The following ACSM3 variants were observed in gnomAD, a reference collection of about 807,000 sequenced individuals.
ACSM3 encodes acyl-CoA synthetase medium chain family member 3, also known as acyl-coenzyme A synthetase ACSM3, mitochondrial.
A neutral mutation model predicts 74.1 loss-of-function variants in ACSM3; 61 were observed. That is an observed-to-expected ratio of 0.82 (90% CI 0.67 to 1.02). The LOEUF (loss-of-function observed/expected upper bound fraction) is 1.02, where lower values mean the gene tolerates loss of function less well. ACSM3 is among the 50% of genes least tolerant of loss of function. The pLI is 0.00. For synonymous variants in ACSM3, 213 were observed against 241.5 expected (o/e 0.88, Z 1.09); for missense variants, 660 against 697.0 (o/e 0.95, Z 0.60).
chr16:20,760,701 T>C (rs2080069864), upstream of ACSM3, among the ~76,000 whole-genome samples: 1 of 152,166 alleles, frequency 6.6e-6, no homozygotes, highest in Admixed American at 6.5e-5. Context: ...CTCTTTTAAC[T>C]TAAGTATAAC....
intron 1 of ACSM3, chr16:20,735,076 G>C (rs181516268): frequency 6.6e-6 from 1 of 152,342 alleles, no homozygotes; most frequent in East Asian, 1.9e-4. Context: ...AAGGTGGCAA[G>C]TCAGTTTCCT....
At chr16:20,702,004 C>T (rs1322563055) in intron 1 of ACSM3, among the ~76,000 whole-genome samples, 3 of 152,152 alleles carry the variant, frequency 2.0e-5, no homozygotes, top group Admixed American at 6.5e-5. Flanking sequence ...AATAAACATA[C>T]ATGTGCATGT....
intron 2 of ACSM3, among the ~76,000 whole-genome samples, chr16:20,771,585 A>G (rs963794531): frequency 9.9e-5 from 15 of 152,102 alleles, no homozygotes; most frequent in Middle Eastern, 3.2e-3. Context: ...TTTATGGCTG[A>G]ATAGTATTGC....
intron 1 of ACSM3, among the ~76,000 whole-genome samples, chr16:20,696,359 T>C (rs2079689780): frequency 1.3e-5 from 2 of 152,224 alleles, no homozygotes. Context: ...TCACAAAGCT[T>C]AGTTTGTCTA....
At chr16:20,730,814 G>A (rs2079825359) in intron 1 of ACSM3, among the ~76,000 whole-genome samples, 2 of 152,050 alleles carry the variant, frequency 1.3e-5, no homozygotes, top group South Asian at 2.1e-4. Context: ...GGCAAAAAAC[G>A]ACCTTATAGA....
At chr16:20,747,302 T>G (rs1187122663) in intron 1 of ACSM3, among the ~76,000 whole-genome samples, 3 of 152,206 alleles carry the variant, frequency 2.0e-5, no homozygotes, top group African/African-American at 7.2e-5. Flanking sequence ...TGCAAAGTTT[T>G]ATAAGTTCCT....
At chr16:20,717,898 AAGGAGG>A (rs1412584176) in intron 1 of ACSM3, among the ~76,000 whole-genome samples, 1 of 146,066 alleles carries the variant, frequency 6.8e-6, no homozygotes, top group Non-Finnish European at 1.5e-5. Flanking sequence ...GAAGAAGGAG[AAGGAGG>A]AAAAAAAGAA....
chr16:20,771,006 T>G (rs2080186182), intron 2 of ACSM3, among the ~76,000 whole-genome samples: 1 of 152,216 alleles, frequency 6.6e-6, no homozygotes, highest in Non-Finnish European at 1.5e-5. Flanking sequence ...GCTATAATTT[T>G]GCATCCATTA....
rs578142802 is a variant in ACSM3 at position 20,727,256 on chromosome 16, T to A, written c.-189-22654T>A. Reference sequence around the variant, plus strand: ...TAAGACTTGCCTCTCCTAGCTTCTATGCTTGCTGCTTGAATGTCCTAATTA... The same window carrying A: ...TAAGACTTGCCTCTCCTAGCTTCTAAGCTTGCTGCTTGAATGTCCTAATTA... On this transcript the variant is annotated intron_variant, in intron 1 of 3. Transcript: ENST00000561584. 1.4e-4 allele frequency: 67 copies of A among 473,788 alleles called. 1 individual carries two copies. Among genetic ancestry groups the A allele is most frequent in the African/African-American group, 1.3e-3 (66 of 49,626 alleles). The allele number at this position is 473,788 out of a possible 1,614,324, so 29.3% of individuals were successfully genotyped here.
rs139989501 is a variant in ACSM3, at chr16:20,697,285, G to T, written c.-190+22463G>T. Among the ~76,000 whole-genome samples the T allele has an allele frequency of 2.9e-3, 441 of 152,152 alleles. 3 individuals carry two copies. The highest frequency in any genetic ancestry group is 0.01 in the African/African-American group (419 of 41,508). On this transcript the variant is annotated intron_variant, in intron 1 of 3. Transcript: ENST00000561584. ...CTTTATAGAAAGTGAGCCAACTTCT[G>T]CATAGATAGAAAAGATTTCCTTCAA...
At chr16:20,704,135 T>C (rs2079720678) in intron 1 of ACSM3, among the ~76,000 whole-genome samples, 2 of 152,198 alleles carry the variant, frequency 1.3e-5, no homozygotes, top group Non-Finnish European at 2.9e-5. Context: ...GATATTTTTA[T>C]TTTCATTACA....
At chr16:20,715,075 C>A (rs928704493) in intron 1 of ACSM3, among the ~76,000 whole-genome samples, 10 of 152,040 alleles carry the variant, frequency 6.6e-5, no homozygotes, top group Admixed American at 6.5e-4. Context: ...TGCCTCCTAC[C>A]AAAAGATTTC....
upstream of ACSM3, among the ~76,000 whole-genome samples, chr16:20,761,912 A>G (rs984006633): frequency 6.6e-6 from 1 of 152,222 alleles, no homozygotes; most frequent in Admixed American, 6.5e-5. Flanking sequence ...CAGTAAAGAC[A>G]TTGCACATGT....
chr16:20,683,785 G>A (rs1182715964), intron 1 of ACSM3, among the ~76,000 whole-genome samples: 3 of 150,178 alleles, frequency 2.0e-5, no homozygotes, highest in Non-Finnish European at 4.4e-5. Context: ...GGCCAGGATG[G>A]TCTCGATCTC....
At chr16:20,741,479 CGG>C in intron 1 of ACSM3, 2 of 1,329,524 alleles carry the variant, frequency 1.5e-6, no homozygotes, top group South Asian at 3.3e-5. Context: ...GCCTGGCAGC[CGG>C]CCCGCCCGCC....
chr16:20,780,704 T>C lies in ACSM3; in HGVS notation c.639-10T>C. On this transcript the variant is annotated splice_polypyrimidine_tract_variant and intron_variant, in intron 4 of 13. Transcript: ENST00000289416. ...TTTAACATGCAGTCATTGTAGTTTT[T>C]CCTTTGCAGACATGCCAGTGACAGC... The C allele has an allele frequency of 6.2e-7, 1 of 1,614,192 alleles. No homozygotes were observed. Among genetic ancestry groups the C allele is most frequent in the East Asian group, 2.2e-5 (1 of 44,884 alleles).
intron 9 of ACSM3, among the ~76,000 whole-genome samples, chr16:20,787,541 G>A (rs2080500601): frequency 6.6e-6 from 1 of 152,182 alleles, no homozygotes. Context: ...ATTTGGAGTG[G>A]AACTCTGAAA....
chr16:20,747,070 A>T (rs1459856148), intron 1 of ACSM3, among the ~76,000 whole-genome samples: 1 of 148,914 alleles, frequency 6.7e-6, no homozygotes, highest in African/African-American at 2.5e-5. Flanking sequence ...TTGAAGCAGG[A>T]GATATAAAAA....
intron 1 of ACSM3, among the ~76,000 whole-genome samples, chr16:20,740,069 T>G (rs2079903903): frequency 6.6e-6 from 1 of 152,158 alleles, no homozygotes; most frequent in Non-Finnish European, 1.5e-5. Flanking sequence ...ACTCTTGTTC[T>G]ATTAAGGAAC....
Sources: allele counts gnomAD v4.1 joint callset (sites outside exome capture counted in the v4.1 genomes callset), GRCh38; gene constraint gnomAD v4.1.1; transcripts MANE v1.5; gene names NCBI Gene and HGNC (gene_info 2026-07-23, HGNC 2026-07-21).